Variants in MAP6 observed in about 807,000 individuals in gnomAD.
MAP6 encodes the protein microtubule associated protein 6, also known as microtubule-associated protein 6.
Under a neutral mutation model 42.4 loss-of-function variants are expected in MAP6, and 26 were observed. That is an observed-to-expected ratio of 0.61 (90% confidence interval 0.45 to 0.85). The LOEUF is 0.85. Ranked by LOEUF, MAP6 falls within the 40% of genes least tolerant of loss-of-function variation. The pLI is 0.00. For missense variants in MAP6, 966 were observed against 1,099.0 expected (o/e 0.88, Z 1.71); for synonymous variants, 418 against 443.8 (o/e 0.94, Z 0.73).
chr11:75,648,213 G>T (rs1289709216), intron 1 of MAP6, among the ~76,000 whole-genome samples: 2 of 152,212 alleles, frequency 1.3e-5, no homozygotes, highest in African/African-American at 4.8e-5. Context: ...ATTAGAAGAG[G>T]TTGGGTGCAG....
rs971158205 is a variant in MAP6, at chr11:75,587,093, G to A, written c.2408C>T (p.Ala803Val). The A allele has an allele frequency of 6.2e-7, 1 of 1,606,262 alleles. No individual in the cohort carries two copies. The highest frequency in any genetic ancestry group is 8.5e-7 in the Non-Finnish European group (1 of 1,174,626). ...GCTCTCAATGTATTCCGTATGGGGG[G>A]CAGTTGGGATCATGACTCGGGGTAG... ...SPLPRVMIPT[A>V]PHTEYIESSP is the part of the protein sequence containing the mutation. The change falls in exon 4 of 4, where the codon GCC becomes GTC. Residue 803 changes from alanine (A) to valine (V), a missense_variant. Ala to Val is a moderately conservative substitution (Grantham distance 64). Transcript: ENST00000304771.
At chr11:75,588,218 T>C (rs558257145) in intron 3 of MAP6, 34 bp from the exon 4 acceptor site, 20 of 1,583,708 alleles carry the variant, frequency 1.3e-5, no homozygotes, top group African/African-American at 6.8e-5. Context: ...ACTGTGAGAG[T>C]AGAGCTCAGG....
At chr11:75,658,280 A>C (rs918875109) in intron 1 of MAP6, among the ~76,000 whole-genome samples, 18 of 152,208 alleles carry the variant, frequency 1.2e-4, no homozygotes, top group Admixed American at 2.6e-4. Context: ...CCTTAGCAGC[A>C]GTATGAGTTT....
rs575300862 is a variant in MAP6, at chr11:75,640,993, C to T, written c.905+26472G>A. 4.1e-4 allele frequency among the ~76,000 whole-genome samples: 62 copies of T among 152,096 alleles called. 1 individual carries two copies. The South Asian group carries it at 0.013, about 31-fold the overall frequency. On this transcript the variant is annotated intron_variant, in intron 1 of 3. Coordinates refer to ENST00000304771, the MANE Select transcript of MAP6 (RefSeq NM_033063.2). ...GCCATCCCATTACTGGGTATATACC[C>T]AAAGGATTATAAAACATGCTGCTAT...
rs142583387 is a variant in MAP6 at position 75,604,992 on chromosome 11, C to T, written c.1316+816G>A. ...AACTTTCTTCCTCAGACATCTCCAA[C>T]CGGTCGCTCTGCGAAACCAGCAGCA... is the stretch of plus-strand genomic sequence containing the variant. On this transcript the variant is annotated intron_variant, in intron 3 of 3. Transcript: ENST00000304771. The T allele has an allele frequency of 2.0e-5, 20 of 985,474 alleles. No homozygotes were observed. In the East Asian group the frequency reaches 1.7e-3, roughly 84 times the overall value. 61.0% of individuals were successfully genotyped at this position (985,474 alleles called of 1,614,324 possible).
In MAP6 at chr11:75,635,304, TA is replaced by T. The variant is rs535893172; in HGVS notation, c.906-26983del. 5.2e-4 allele frequency among the ~76,000 whole-genome samples: 79 copies of T among 152,262 alleles called. 1 individual carries two copies. In the East Asian group the frequency reaches 0.015, roughly 29 times the overall value. On this transcript the variant is annotated intron_variant, in intron 1 of 3. Transcript: ENST00000304771. ...AGAACGTGTCTGAGCCTCATTTTAT[TA>T]AAGTGAAAAGGGAAAAATGTACCTC...
At chr11:75,611,881 A>C (rs916707424) in intron 1 of MAP6, among the ~76,000 whole-genome samples, 2 of 152,268 alleles carry the variant, frequency 1.3e-5, no homozygotes, top group African/African-American at 4.8e-5. Context: ...GGCTTGCATA[A>C]GGCAATGCAA....
chr11:75,657,703 C>G (rs1274723870), intron 1 of MAP6, among the ~76,000 whole-genome samples: 1 of 152,210 alleles, frequency 6.6e-6, no homozygotes, highest in African/African-American at 2.4e-5. Flanking sequence ...GGGGAGAATA[C>G]TTTCTTTGCC....
chr11:75,605,739 G>T, intron 3 of MAP6, 69 bp downstream of exon 3: 16 of 1,575,554 alleles, frequency 1.0e-5, no homozygotes, highest in Admixed American at 5.7e-5. Context: ...TGGTTTGTTG[G>T]TTTAAAAAAA....
chr11:75,625,210 C>T (rs748031207), intron 1 of MAP6, among the ~76,000 whole-genome samples: 7 of 152,118 alleles, frequency 4.6e-5, no homozygotes, highest in South Asian at 2.1e-4. Flanking sequence ...ACAGCCACAG[C>T]GCTTGGAGTC....
chr11:75,667,429 G>C lies in MAP6; in HGVS notation c.905+36C>G, dbSNP rs1036592818. ...GGCAGCCCGCGGGGAGGGTCTGCGT[G>C]GTGACTCCCCCGCGCTAGCAGCGGC... On this transcript the variant is annotated intron_variant, in intron 1 of 3. Coordinates refer to ENST00000304771, the MANE Select transcript of MAP6 (RefSeq NM_033063.2). The surrounding 1 kb of genome is among the most constrained non-coding windows in gnomAD (Gnocchi z 5.6). The C allele has an allele frequency of 2.1e-6, 3 of 1,431,982 alleles. No individual in the cohort carries two copies. The African/African-American group carries it at 4.5e-5, about 21-fold the overall frequency. 88.7% of individuals were successfully genotyped at this position (1,431,982 alleles called of 1,614,324 possible). A position where few individuals can be genotyped will look rare whatever the true frequency, so the allele number is the denominator to read the frequency against.
chr11:75,619,456 G>C (rs1014245404), intron 1 of MAP6, among the ~76,000 whole-genome samples: 1 of 151,998 alleles, frequency 6.6e-6, no homozygotes, highest in Non-Finnish European at 1.5e-5. Flanking sequence ...CATCACCCAC[G>C]TATTAAGTCT....
intron 1 of MAP6, among the ~76,000 whole-genome samples, chr11:75,657,173 C>T (rs980311456): frequency 2.0e-5 from 3 of 149,986 alleles, no homozygotes; most frequent in Non-Finnish European, 2.9e-5. Context: ...TGCAGTGGCA[C>T]GATCTTGGTT....
intron 1 of MAP6, among the ~76,000 whole-genome samples, chr11:75,635,031 T>C (rs1362379015): frequency 1.3e-5 from 2 of 152,214 alleles, no homozygotes; most frequent in Non-Finnish European, 2.9e-5. Flanking sequence ...AGAGATTTGA[T>C]AATAATGATC....
intron 1 of MAP6, among the ~76,000 whole-genome samples, chr11:75,629,333 C>T (rs183016473): frequency 3.9e-5 from 6 of 152,194 alleles, no homozygotes; most frequent in African/African-American, 1.2e-4. Flanking sequence ...AGTGATCCTC[C>T]TAACTCGGCC....
rs755780555 is a variant in MAP6 at position 75,668,316 on chromosome 11, C to T, written c.54G>A (p.Gln18=). ...GCACAGCGATGTCCGCTTTGTCCAACTGGTTCCAGAAGCGGGCGATGCAGC... is the reference window on the plus strand; with the variant it reads ...GCACAGCGATGTCCGCTTTGTCCAATTGGTTCCAGAAGCGGGCGATGCAGC... ...RACCIARFWN[Q]LDKADIAVPL... The change falls in exon 1 of 4, where the codon CAG becomes CAA. Residue 18 remains glutamine (Q), a synonymous_variant. Transcript: ENST00000304771. 1.9e-6 allele frequency: 3 copies of T among 1,577,258 alleles called. No individual in the cohort carries two copies. The highest frequency in any genetic ancestry group is 2.6e-6 in the Non-Finnish European group (3 of 1,169,400).
chr11:75,604,697 A>G (rs1942725749), intron 3 of MAP6: 1 of 985,328 alleles, frequency 1.0e-6, no homozygotes, highest in East Asian at 1.1e-4. Flanking sequence ...CCACACACAC[A>G]CACGACACGG....
intron 1 of MAP6, among the ~76,000 whole-genome samples, chr11:75,613,457 T>C (rs570840097): frequency 2.6e-5 from 4 of 152,244 alleles, no homozygotes; most frequent in South Asian, 2.1e-4. Flanking sequence ...CCGGGGCACA[T>C]TGGGAGGGTC....
intron 3 of MAP6, among the ~76,000 whole-genome samples, chr11:75,600,526 G>A (rs892372769): frequency 2.6e-4 from 39 of 152,312 alleles, no homozygotes; most frequent in African/African-American, 8.7e-4. Flanking sequence ...TTCTGTGAGA[G>A]TGGAGTTTGG....
Sources: gnomAD v4.1 joint callset for allele counts (sites outside exome capture counted in the v4.1 genomes callset) on GRCh38, gnomAD v4.1.1 for gene constraint, Gnocchi (gnomAD v3.1) non-coding constraint, MANE v1.5 for transcripts, NCBI Gene and HGNC (gene_info 2026-07-23, HGNC 2026-07-21) for gene names.